The following CCDC34 variants were observed in gnomAD, a reference collection of about 807,000 sequenced individuals.
CCDC34 encodes the protein coiled-coil domain containing 34, also known as coiled-coil domain-containing protein 34.
A neutral mutation model predicts 44.1 loss-of-function variants in CCDC34; 40 were observed. That is an observed-to-expected ratio of 0.91 (90% CI 0.70 to 1.18). CCDC34 has a LOEUF of 1.18. Among genes scored for constraint, CCDC34 ranks in the 50% most tolerant of loss-of-function variants. CCDC34 has a pLI of 0.00. For missense variants in CCDC34, 466 were observed against 452.3 expected, an observed-to-expected ratio of 1.03 and a Z score of -0.28; for synonymous variants, 159 against 158.2, an observed-to-expected ratio of 1.01 and a Z score of -0.04.
intron 5 of CCDC34, among the ~76,000 whole-genome samples, chr11:27,339,790 A>C (rs1862327315): frequency 6.6e-6 from 1 of 152,240 alleles, no homozygotes; most frequent in African/African-American, 2.4e-5. Context: ...AAACTCATTA[A>C]AAATGCAAAA....
At chr11:27,350,286 T>C in intron 3 of CCDC34, 46 bp downstream of exon 3, 1 of 1,612,846 alleles carries the variant, frequency 6.2e-7, no homozygotes. Flanking sequence ...GAAGAAATAT[T>C]TTGCAAAAGA....
At chr11:27,348,627 A>G (rs1565059331) in intron 3 of CCDC34, among the ~76,000 whole-genome samples, 2 of 152,320 alleles carry the variant, frequency 1.3e-5, no homozygotes, top group African/African-American at 4.8e-5. Context: ...TAGCAGCCAC[A>G]GATACAGCTA....
intron 3 of CCDC34, among the ~76,000 whole-genome samples, chr11:27,343,635 C>T (rs1218194486): frequency 6.6e-6 from 1 of 152,154 alleles, no homozygotes; most frequent in Non-Finnish European, 1.5e-5. Context: ...CATGACTGTC[C>T]TCCACAACTT....
intron 3 of CCDC34, among the ~76,000 whole-genome samples, chr11:27,346,338 T>C (rs1590324749): frequency 6.8e-6 from 1 of 147,280 alleles, no homozygotes; most frequent in Admixed American, 7.0e-5. Context: ...AGAGGTGCGG[T>C]GAGCCAAGAT....
At position 27,363,066 on chromosome 11, in the gene CCDC34, C is replaced by G; in HGVS notation, c.129G>C (p.Gln43His). The G allele has an allele frequency of 6.2e-7, 1 of 1,612,928 alleles. No homozygotes were observed. Among genetic ancestry groups the G allele is most frequent in the South Asian group, 1.1e-5 (1 of 90,956 alleles). The change falls in exon 1 of 6, where the codon CAG (glutamine) becomes CAC (histidine). Residue 43 changes from glutamine to histidine, a missense_variant. Coordinates refer to ENST00000328697, the MANE Select transcript of CCDC34 (RefSeq NM_030771.2). ...CSVPMTGARG[Q>H]GLEVVRSPSP... ...ACGGCGAGCGCACCACCTCCAGCCC[C>G]TGCCCACGTGCGCCCGTCATAGGGA...
intron 1 of CCDC34, among the ~76,000 whole-genome samples, chr11:27,360,064 G>T (rs1262989683): frequency 6.6e-6 from 1 of 152,200 alleles, no homozygotes; most frequent in Non-Finnish European, 1.5e-5. Context: ...ATGACACTTT[G>T]AATATTAAAT....
intron 5 of CCDC34, among the ~76,000 whole-genome samples, chr11:27,339,400 C>G (rs1468080725): frequency 6.6e-6 from 1 of 152,136 alleles, no homozygotes; most frequent in Non-Finnish European, 1.5e-5. Context: ...TGATTGTGTA[C>G]TAGCTTCCTC....
chr11:27,359,809 T>C (rs1862636187), intron 1 of CCDC34, among the ~76,000 whole-genome samples: 1 of 152,216 alleles, frequency 6.6e-6, no homozygotes, highest in Non-Finnish European at 1.5e-5. Flanking sequence ...AGTAAGTACT[T>C]AGTAAGTCAT....
At chr11:27,361,310 G>C (rs112960015) in intron 1 of CCDC34, among the ~76,000 whole-genome samples, 16 of 152,304 alleles carry the variant, frequency 1.1e-4, no homozygotes, top group East Asian at 1.9e-4. Context: ...TTTGGCTCTT[G>C]GAAACTAATG....
intron 3 of CCDC34, chr11:27,350,120 T>C (rs1862485037): frequency 9.2e-6 from 13 of 1,414,422 alleles, no homozygotes; most frequent in Non-Finnish European, 1.2e-5. Flanking sequence ...CAAATATTAG[T>C]GCAAGCCACA....
chr11:27,342,423 T>C lies in CCDC34; in HGVS notation c.607-873A>G, dbSNP rs1862375371. On this transcript the variant is annotated intron_variant, in intron 3 of 5. Coordinates refer to ENST00000328697, the MANE Select transcript of CCDC34 (RefSeq NM_030771.2). ...CACACACACATATTTCCAGGACAGTTTGTCAATATTAATATTTGCATAAAT... is the reference window on the plus strand; with the variant it reads ...CACACACACATATTTCCAGGACAGTCTGTCAATATTAATATTTGCATAAAT... Among the ~76,000 whole-genome samples, 3 of 150,802 alleles carry C rather than the reference T, an allele frequency of 2.0e-5. No individual in the cohort carries two copies. The South Asian group carries it at 6.3e-4, about 31-fold the overall frequency.
intron 1 of CCDC34, among the ~76,000 whole-genome samples, 179 bp downstream of exon 1, chr11:27,362,657 T>C (rs533057805): frequency 1.1e-4 from 17 of 151,980 alleles, no homozygotes; most frequent in African/African-American, 3.1e-4. Context: ...AGGAAATCTA[T>C]GGTCATTTGC....
In CCDC34 at chr11:27,357,443, T is replaced by C. The variant is rs760413266; in HGVS notation, c.458A>G (p.Glu153Gly). 3 of 1,613,918 alleles carry C rather than the reference T, an allele frequency of 1.9e-6. No individual in the cohort carries two copies. The Admixed American group carries it at 5.0e-5, about 27-fold the overall frequency. The change falls in exon 2 of 6, where the codon GAA (glutamate) becomes GGA (glycine). Residue 153 changes from glutamate (E) to glycine (G), a missense_variant. By Grantham distance (98) the Glu-to-Gly change is moderately conservative (BLOSUM62 -2). Coordinates refer to ENST00000328697, the MANE Select transcript of CCDC34 (RefSeq NM_030771.2). Reference protein sequence around the residue: ...TPWEVWFIGKEKEERDRLQLK... With the variant: ...TPWEVWFIGKGKEERDRLQLK... ...TTGCAGCCGGTCACGTTCTTCTTTT[T>C]CTTTGCCAATAAACCACACCTCCCA... is the stretch of plus-strand genomic sequence containing the variant.
intron 3 of CCDC34, among the ~76,000 whole-genome samples, chr11:27,344,795 T>C (rs1862410500): frequency 6.6e-6 from 1 of 152,026 alleles, no homozygotes; most frequent in South Asian, 2.1e-4. Flanking sequence ...AGAATCCCAA[T>C]AGTGCCAAGC....
At chr11:27,359,785 A>C (rs138831813) in intron 1 of CCDC34, among the ~76,000 whole-genome samples, 1 of 152,350 alleles carries the variant, frequency 6.6e-6, no homozygotes, top group African/African-American at 2.4e-5. Flanking sequence ...CACTTAATAT[A>C]GTTCCAGGCA....
chr11:27,362,882 C>A lies in CCDC34; in HGVS notation c.313G>T (p.Ala105Ser). The change falls in exon 1 of 6, where the codon GCC (alanine) becomes TCC (serine). Residue 105 changes from alanine to serine, a missense_variant. Physicochemically the swap from Ala to Ser is moderately conservative, Grantham distance 99. Coordinates refer to ENST00000328697, the MANE Select transcript of CCDC34 (RefSeq NM_030771.2). ...ATTCCTCTCAGGCTCGCCACTTTGGCCTCTGAATCATGGGCATCTTCATCC... is the reference window on the plus strand; with the variant it reads ...ATTCCTCTCAGGCTCGCCACTTTGGACTCTGAATCATGGGCATCTTCATCC... ...DVDEDAHDSE[A>S]KVASLRGMEL... The A allele has an allele frequency of 6.2e-7, 1 of 1,614,170 alleles. No individual in the cohort carries two copies. Among genetic ancestry groups the A allele is most frequent in the Non-Finnish European group, 8.5e-7 (1 of 1,180,022 alleles).
Position 27,357,513 on chromosome 11 carries a change from C to T in CCDC34, c.388G>A (p.Glu130Lys), listed in dbSNP as rs201921821. 5.1e-5 allele frequency: 82 copies of T among 1,613,840 alleles called. No individual in the cohort carries two copies. The highest frequency in any genetic ancestry group is 1.5e-4 in the Admixed American group (9 of 59,982). Residue 130 changes from glutamate to lysine, a missense_variant, in exon 2 of 6, where the codon GAA (glutamate) becomes AAA (lysine). Glu to Lys is a moderately conservative substitution (Grantham distance 56). Transcript: ENST00000328697. Reference sequence around the variant, plus strand: ...GGTAAGCGCACCTGTTTCTGTTCTTCTTGGTTATTTTCTGATTCAACCTGA... The same window carrying T: ...GGTAAGCGCACCTGTTTCTGTTCTTTTTGGTTATTTTCTGATTCAACCTGA... ...STQVESENNQEEQKQVRLPES... is the reference protein window; with the variant it reads ...STQVESENNQKEQKQVRLPES...
chr11:27,339,069 A>G (rs761700946), intron 5 of CCDC34, 34 bp from the exon 6 acceptor site: 3 of 1,523,112 alleles, frequency 2.0e-6, no homozygotes, highest in East Asian at 2.3e-5. Flanking sequence ...CAAAACAAGG[A>G]AAAACTTTCT....
In CCDC34 at chr11:27,357,479, C is replaced by A. The variant is rs138159804; in HGVS notation, c.422G>T (p.Arg141Leu). Residue 141 changes from arginine (R) to leucine (L), a missense_variant, in exon 2 of 6, where the codon CGC becomes CTC. Physicochemically the swap from Arg to Leu is moderately radical, Grantham distance 102. Transcript: ENST00000328697. ...AAACCACACCTCCCATGGTGTCAGGCGGCTTTCTGGTAAGCGCACCTGTTT... is the reference window on the plus strand; with the variant it reads ...AAACCACACCTCCCATGGTGTCAGGAGGCTTTCTGGTAAGCGCACCTGTTT... ...EQKQVRLPES[R>L]LTPWEVWFIG... 10 of 1,614,004 alleles carry A rather than the reference C, an allele frequency of 6.2e-6. No homozygotes were observed. The highest frequency in any genetic ancestry group is 3.3e-5 in the Admixed American group (2 of 60,010).
Sources: allele counts gnomAD v4.1 joint callset (sites outside exome capture counted in the v4.1 genomes callset), GRCh38; gene constraint gnomAD v4.1.1; transcripts MANE v1.5; gene names NCBI Gene and HGNC (gene_info 2026-07-23, HGNC 2026-07-21).